The following ZFPM1 variants were observed in gnomAD, a reference collection of about 807,000 sequenced individuals.
ZFPM1 encodes the protein zinc finger protein ZFPM1.
In ZFPM1, 28 loss-of-function variants were observed where a neutral mutation model predicts 46.3. The ratio of observed to expected loss-of-function variants is 0.60; its 90% CI spans 0.45 to 0.83. The LOEUF is 0.83. ZFPM1 is among the 40% of genes least tolerant of loss of function. The probability of loss-of-function intolerance (pLI) is 0.00; values close to 1 mark genes in which losing one functional copy is unlikely to be tolerated. For synonymous variants in ZFPM1, 957 were observed against 675.9 expected (o/e 1.42, Z -6.45); for missense variants, 1,878 against 1,432.4 (o/e 1.31, Z -5.02).
rs572308115 is a variant in ZFPM1, at chr16:88,478,783, G to A, written c.41-7156G>A. On this transcript the variant is annotated intron_variant, in intron 1 of 9. Coordinates refer to ENST00000319555, the MANE Select transcript of ZFPM1 (RefSeq NM_153813.3). The stretch of plus-strand genomic sequence containing the variant: ...TCCCGTAGAGGGGGCAGGGGGTGCT[G>A]AGGCCCCAAGGCAAGGGCGGCAGGG... Among the ~76,000 whole-genome samples, 604 of 152,370 alleles carry A rather than the reference G, an allele frequency of 4.0e-3. 2 individuals are homozygous for A. The highest frequency in any genetic ancestry group is 7.4e-3 in the Non-Finnish European group (503 of 68,032).
chr16:88,513,162 T>C (rs74035519), intron 3 of ZFPM1: 11,008 of 152,212 alleles, frequency 0.072, 436 homozygotes, highest in South Asian at 0.11. Context: ...ACCCAGGCAT[T>C]CTGGGTGGGC....
intron 1 of ZFPM1, among the ~76,000 whole-genome samples, chr16:88,455,055 C>T (rs1907474340): frequency 1.3e-5 from 2 of 152,298 alleles, no homozygotes; most frequent in East Asian, 1.9e-4. Flanking sequence ...TATTAAAAGC[C>T]ACCCACAGGT....
At chr16:88,518,525 GGATA>G (rs1027734443) in intron 4 of ZFPM1, among the ~76,000 whole-genome samples, 2 of 151,570 alleles carry the variant, frequency 1.3e-5, no homozygotes, top group African/African-American at 4.9e-5. Context: ...CTGGGTGGAT[GGATA>G]GATGGATGAG....
At chr16:88,507,219 C>G (rs1326068063) in intron 3 of ZFPM1, among the ~76,000 whole-genome samples, 2 of 152,170 alleles carry the variant, frequency 1.3e-5, no homozygotes, top group African/African-American at 4.8e-5. Context: ...GACGTGGCCC[C>G]CAGCTTCTCA....
At chr16:88,517,324 CGGTG>C (rs1198900464) in intron 4 of ZFPM1, among the ~76,000 whole-genome samples, 3 of 49,414 alleles carry the variant, frequency 6.1e-5, no homozygotes, top group Admixed American at 2.5e-4. Flanking sequence ...ATGAGTGGGT[CGGTG>C]GGTGGGTAGG....
intron 3 of ZFPM1, among the ~76,000 whole-genome samples, chr16:88,498,023 G>T (rs1013541076): frequency 1.3e-5 from 2 of 152,194 alleles, no homozygotes; most frequent in African/African-American, 4.8e-5. Flanking sequence ...TGCCTTATCA[G>T]CGGCCCTGTG....
intron 3 of ZFPM1, among the ~76,000 whole-genome samples, chr16:88,495,887 G>T (rs1909904600): frequency 6.6e-6 from 1 of 152,196 alleles, no homozygotes; most frequent in Non-Finnish European, 1.5e-5. Context: ...TGGGGAGGGG[G>T]GCATGCTAAG....
chr16:88,524,488 C>A (rs1374918416), intron 4 of ZFPM1, among the ~76,000 whole-genome samples: 4 of 152,164 alleles, frequency 2.6e-5, no homozygotes, highest in Non-Finnish European at 5.9e-5. Context: ...TGCCAGCCTG[C>A]ACAAAGCACC....
chr16:88,493,645 AGCTGTCCCGGGGTGCG>A (rs1311500480), intron 3 of ZFPM1, among the ~76,000 whole-genome samples: 2 of 149,528 alleles, frequency 1.3e-5, no homozygotes, highest in Non-Finnish European at 3.0e-5. Context: ...GGGTGCGGTG[AGCTGTCCCGGGGTGCG>A]GGGAGCTGTC....
chr16:88,456,178 G>T (rs1907551959), intron 1 of ZFPM1, among the ~76,000 whole-genome samples: 1 of 152,224 alleles, frequency 6.6e-6, no homozygotes. Context: ...CCTGTGGCCG[G>T]TGGTACAGTC....
At position 88,486,034 on chromosome 16, in the gene ZFPM1, C is replaced by A. The variant is rs35867223; in HGVS notation, c.136C>A (p.Pro46Thr). The A allele has an allele frequency of 1.2e-3, 1,862 of 1,611,880 alleles. 5 individuals are homozygous for A. Among genetic ancestry groups the A allele is most frequent in the Non-Finnish European group, 1.5e-3 (1,746 of 1,179,614 alleles). Reference sequence around the variant, plus strand: ...CACGGCACCTGAAGCCCCGAGCCCTCCCAGCGCAGGTGAGTCAGACTGAGC... The same window carrying A: ...CACGGCACCTGAAGCCCCGAGCCCTACCAGCGCAGGTGAGTCAGACTGAGC... Reference protein sequence around the residue: ...KATAPEAPSPPSADVNSPPPL... With the variant: ...KATAPEAPSPTSADVNSPPPL... The change falls in exon 2 of 10, where the codon CCC becomes ACC. Residue 46 changes from proline (P) to threonine (T), a missense_variant. By Grantham distance (38) the Pro-to-Thr change is conservative. Coordinates refer to ENST00000319555, the MANE Select transcript of ZFPM1 (RefSeq NM_153813.3).
intron 1 of ZFPM1, among the ~76,000 whole-genome samples, chr16:88,470,302 T>A (rs1312099457): frequency 6.6e-6 from 1 of 152,202 alleles, no homozygotes; most frequent in African/African-American, 2.4e-5. Flanking sequence ...AGCCTCTGGA[T>A]GCCCACGGGT....
In ZFPM1 at chr16:88,534,272, G is replaced by C; in HGVS notation, c.2314G>C (p.Gly772Arg). ...CCCCGCGCCCGAGTCGCCGCGGCCC[G>C]GAAGCGGAAGCGGAAGCGGCCCCGG... is the stretch of plus-strand genomic sequence containing the variant. The part of the protein sequence containing the change: ...HAPAPESPRP[G>R]SGSGSGPGLA... The change falls in exon 10 of 10, where the codon GGA becomes CGA. Residue 772 changes from glycine to arginine, a missense_variant. By Grantham distance (125) the Gly-to-Arg change is moderately radical. Coordinates refer to ENST00000319555, the MANE Select transcript of ZFPM1 (RefSeq NM_153813.3). 1 of 1,111,006 alleles carries C rather than the reference G, an allele frequency of 9.0e-7. No homozygotes were observed. Among genetic ancestry groups the C allele is most frequent in the Non-Finnish European group, 1.1e-6 (1 of 917,324 alleles). The allele number at this position is 1,111,006 out of a possible 1,614,324, so 68.8% of individuals were successfully genotyped here. A position where few individuals can be genotyped will look rare whatever the true frequency, so the allele number is the denominator to read the frequency against.
At position 88,531,951 on chromosome 16, in the gene ZFPM1, T is replaced by G. The variant is rs771023875; in HGVS notation, c.713-51T>G. ...CCTGCCTCCGCCCACAGCCTTGCCCTGGCTGGCAGGCTGGCCTTCAGCCTG... is the reference window on the plus strand; with the variant it reads ...CCTGCCTCCGCCCACAGCCTTGCCCGGGCTGGCAGGCTGGCCTTCAGCCTG... On this transcript the variant is annotated intron_variant, in intron 6 of 9. Transcript: ENST00000319555. 2.0e-6 allele frequency: 3 copies of G among 1,528,462 alleles called. No individual in the cohort carries two copies. The South Asian group carries it at 3.7e-5, about 19-fold the overall frequency. 94.7% of individuals were successfully genotyped at this position (1,528,462 alleles called of 1,614,324 possible).
rs1415298901 is a variant in ZFPM1, at chr16:88,454,282, C to G, written c.40+604C>G. Among the ~76,000 whole-genome samples the G allele has an allele frequency of 3.3e-5, 5 of 152,182 alleles. No homozygotes were observed. In the East Asian group the frequency reaches 9.6e-4, roughly 29 times the overall value. On this transcript the variant is annotated intron_variant, in intron 1 of 9. Transcript: ENST00000319555. ...GGACAGGGGAGGGGGTAGCGCGCAG[C>G]TGCCGCAGCCTAGGCACTTGGCTCC...
intron 1 of ZFPM1, among the ~76,000 whole-genome samples, chr16:88,477,996 T>G (rs1227420515): frequency 9.7e-5 from 12 of 124,048 alleles, no homozygotes; most frequent in Admixed American, 2.5e-4. Context: ...GACCTGGGGG[T>G]GGGTGGGTCT....
chr16:88,518,737 GTGGATGGATGGA>G (rs56367074), intron 4 of ZFPM1, among the ~76,000 whole-genome samples: 10,802 of 126,122 alleles, frequency 0.086, 554 homozygotes, highest in Non-Finnish European at 0.12. Context: ...GGCTGAGAGG[GTGGATGGATGGA>G]TGGATGGATG....
At chr16:88,487,116 A>C (rs539212005) in intron 2 of ZFPM1, among the ~76,000 whole-genome samples, 10 of 152,314 alleles carry the variant, frequency 6.6e-5, no homozygotes, top group Admixed American at 6.5e-4. Context: ...TTAACCTGCC[A>C]TAAGGAGGCC....
At chr16:88,531,400 G>C (rs940806902) in intron 6 of ZFPM1, among the ~76,000 whole-genome samples, 3 of 152,150 alleles carry the variant, frequency 2.0e-5, no homozygotes, top group African/African-American at 7.2e-5. Flanking sequence ...TGGTAAATTC[G>C]ACAAATCTGA....
Sources: gnomAD v4.1 joint callset for allele counts (sites outside exome capture counted in the v4.1 genomes callset) on GRCh38, gnomAD v4.1.1 for gene constraint, MANE v1.5 for transcripts, NCBI Gene and HGNC (gene_info 2026-07-23, HGNC 2026-07-21) for gene names.